The following TATDN1 variants were observed in gnomAD, a reference collection of about 807,000 sequenced individuals.
TATDN1 encodes the protein deoxyribonuclease TATDN1.
TATDN1 carries 40 observed loss-of-function variants against 46.4 expected under a neutral mutation model. That is an observed-to-expected ratio of 0.86 (90% CI 0.67 to 1.12). The LOEUF (loss-of-function observed/expected upper bound fraction) is 1.12. Among genes scored for constraint, TATDN1 ranks in the 50% most tolerant of loss-of-function variants. The pLI is 0.00. For synonymous variants in TATDN1, 95 were observed against 105.6 expected, an observed-to-expected ratio of 0.90 and a Z score of 0.62; for missense variants, 326 against 348.4, an observed-to-expected ratio of 0.94 and a Z score of 0.51.
At chr8:124,503,429 C>T (rs369937972) in intron 9 of TATDN1, among the ~76,000 whole-genome samples, 2 of 152,084 alleles carry the variant, frequency 1.3e-5, no homozygotes, top group African/African-American at 4.8e-5. Flanking sequence ...TGCATATATT[C>T]CCTTGCATAT....
chr8:124,520,262 C>T (rs1819909109), intron 3 of TATDN1, among the ~76,000 whole-genome samples: 1 of 151,898 alleles, frequency 6.6e-6, no homozygotes, highest in Non-Finnish European at 1.5e-5. Context: ...CATGGCGAAA[C>T]CCCGTCTCTA....
chr8:124,504,030 A>G (rs1818197507), intron 9 of TATDN1: 1 of 1,037,168 alleles, frequency 9.6e-7, no homozygotes, highest in Non-Finnish European at 1.3e-6. Context: ...GCAGATCTCA[A>G]CACAAAATTG....
chr8:124,506,368 AAAG>A (rs1228402666), intron 8 of TATDN1, among the ~76,000 whole-genome samples: 1 of 151,650 alleles, frequency 6.6e-6, no homozygotes, highest in African/African-American at 2.4e-5. Flanking sequence ...AAAAAGAAAA[AAAG>A]AAAAGAAATA....
rs566213701 is a variant in TATDN1, at chr8:124,493,844, G to A, written c.780C>T (p.Pro260=). 6 of 1,606,304 alleles carry A rather than the reference G, an allele frequency of 3.7e-6. No individual in the cohort carries two copies. The South Asian group carries it at 6.7e-5, about 18-fold the overall frequency. Residue 260 remains proline, a synonymous_variant, in exon 11 of 12, where the codon CCC becomes CCT. Transcript: ENST00000276692. ...SGHCLKDRNE[P]CHIIQILEIM... ...AGCAAAATACTCACATTATATGGCA[G>A]GGTTCATTTCTGTCTTTTAAGCAGT...
At chr8:124,516,964 A>C (rs1237190811) in intron 4 of TATDN1, among the ~76,000 whole-genome samples, 2 of 152,226 alleles carry the variant, frequency 1.3e-5, no homozygotes, top group Non-Finnish European at 2.9e-5. Flanking sequence ...AGGAAGCAGC[A>C]CTTTTAAAGC....
intron 1 of TATDN1, among the ~76,000 whole-genome samples, chr8:124,524,779 C>G (rs1820344075): frequency 6.6e-6 from 1 of 152,026 alleles, no homozygotes. Context: ...GAATGGGGAT[C>G]AACAGATGAA....
chr8:124,506,186 T>C (rs1355763236), intron 8 of TATDN1, among the ~76,000 whole-genome samples: 1 of 151,152 alleles, frequency 6.6e-6, no homozygotes. Context: ...AATACAAAAA[T>C]TAGCCAGGCG....
At chr8:124,507,184 A>C (rs567623922) in intron 8 of TATDN1, among the ~76,000 whole-genome samples, 1 of 152,152 alleles carries the variant, frequency 6.6e-6, no homozygotes, top group East Asian at 1.9e-4. Flanking sequence ...TCACTGCCAT[A>C]GATATCGGAG....
chr8:124,512,805 T>C (rs1819138106), intron 6 of TATDN1, among the ~76,000 whole-genome samples: 1 of 152,162 alleles, frequency 6.6e-6, no homozygotes, highest in Non-Finnish European at 1.5e-5. Context: ...GTGCTGTGTA[T>C]ACAAAACAGA....
At chr8:124,533,884 C>T (rs1051415725) in intron 1 of TATDN1, among the ~76,000 whole-genome samples, 7 of 151,988 alleles carry the variant, frequency 4.6e-5, no homozygotes, top group South Asian at 2.1e-4. Flanking sequence ...CGATGGCTCA[C>T]GCCTATAATC....
At chr8:124,533,568 G>T (rs1297556647) in intron 1 of TATDN1, among the ~76,000 whole-genome samples, 1 of 152,128 alleles carries the variant, frequency 6.6e-6, no homozygotes, top group African/African-American at 2.4e-5. Context: ...CCCAATGTCA[G>T]GCAGTTGGCT....
At chr8:124,503,398 TACTTG>T (rs1818143954) in intron 9 of TATDN1, among the ~76,000 whole-genome samples, 1 of 152,200 alleles carries the variant, frequency 6.6e-6, no homozygotes. Context: ...CTGTTAGTAC[TACTTG>T]ACTTTTTAAT....
At chr8:124,535,758 T>C (rs1016351982) in intron 1 of TATDN1, among the ~76,000 whole-genome samples, 1 of 152,210 alleles carries the variant, frequency 6.6e-6, no homozygotes, top group Non-Finnish European at 1.5e-5. Flanking sequence ...AGAGGTGTAT[T>C]TGGCTCATGG....
chr8:124,495,433 A>T (rs1039710493), intron 10 of TATDN1, 39 bp downstream of exon 10: 1 of 1,487,018 alleles, frequency 6.7e-7, no homozygotes, highest in Non-Finnish European at 9.2e-7. Context: ...TTTGTTTGGT[A>T]TGGTTTAATA....
rs869060230 is a variant in TATDN1, at chr8:124,534,145, CAAAAAAAAAAAAAAAAAA to C, written c.22+4862_22+4879del. ...TGGGCAACAGAGCGAGACTCCGTCTCAAAAAAAAAAAAAAAAAAAAAAAAAAAAAAAAAAGAAATGCGC... is the reference window on the plus strand; with the variant it reads ...TGGGCAACAGAGCGAGACTCCGTCTCAAAAAAAAAAAAAAAAGAAATGCGC... On this transcript the variant is annotated intron_variant, in intron 1 of 11. Coordinates refer to ENST00000276692, the MANE Select transcript of TATDN1 (RefSeq NM_032026.4). Among the ~76,000 whole-genome samples the C allele has an allele frequency of 4.6e-3, 235 of 51,288 alleles. 2 individuals are homozygous for C. Among genetic ancestry groups the C allele is most frequent in the African/African-American group, 0.022 (218 of 9,874 alleles). The allele number at this position is 51,288 out of a possible 152,430, so 33.6% of individuals were successfully genotyped here.
intron 1 of TATDN1, among the ~76,000 whole-genome samples, chr8:124,523,820 A>C (rs568112163): frequency 6.6e-6 from 1 of 152,234 alleles, no homozygotes; most frequent in Admixed American, 6.5e-5. Context: ...TAAGGAAGGG[A>C]GAGGTCAGAA....
chr8:124,498,915 G>C (rs1242575537), intron 9 of TATDN1, among the ~76,000 whole-genome samples: 1 of 150,594 alleles, frequency 6.6e-6, no homozygotes, highest in Non-Finnish European at 1.5e-5. Flanking sequence ...CTCCTGAAGT[G>C]CTAGGATTAC....
intron 4 of TATDN1, among the ~76,000 whole-genome samples, chr8:124,516,780 T>G (rs1586634626): frequency 6.6e-6 from 1 of 152,198 alleles, no homozygotes; most frequent in Non-Finnish European, 1.5e-5. Context: ...AAAGGGGGAT[T>G]TGTTTTTCTA....
rs149079538 is a variant in TATDN1, at chr8:124,504,482, C to T, written c.517-135G>A. The T allele has an allele frequency of 3.8e-3, 1,723 of 452,114 alleles. 14 individuals are homozygous for T. Among genetic ancestry groups the T allele is most frequent in the African/African-American group, 0.026 (1,263 of 49,116 alleles). The allele number at this position is 452,114 out of a possible 1,614,324, so 28.0% of individuals were successfully genotyped here. Reference sequence around the variant, plus strand: ...ACCTCAGGGTTTCAAAGGTGGTAGTCGCTATAATTTTTATTTTCATATTAT... The same window carrying T: ...ACCTCAGGGTTTCAAAGGTGGTAGTTGCTATAATTTTTATTTTCATATTAT... On this transcript the variant is annotated intron_variant, in intron 8 of 11. Transcript: ENST00000276692.
Sources: gnomAD v4.1 joint callset for allele counts (sites outside exome capture counted in the v4.1 genomes callset) on GRCh38, gnomAD v4.1.1 for gene constraint, MANE v1.5 for transcripts, NCBI Gene and HGNC (gene_info 2026-07-23, HGNC 2026-07-21) for gene names.